The following FNIP1 variants were observed in gnomAD, a reference collection of about 807,000 sequenced individuals.
FNIP1 encodes the protein folliculin-interacting protein 1.
In FNIP1, 40 loss-of-function variants were observed where a neutral mutation model predicts 124.5. That is an observed-to-expected ratio of 0.32 (90% CI 0.25 to 0.42). FNIP1 has a LOEUF of 0.42. Among genes scored for constraint, FNIP1 ranks in the 10% least tolerant of loss-of-function variants. The pLI, the probability that FNIP1 is intolerant of heterozygous loss-of-function variation, is 1.00. For missense variants in FNIP1, 1,176 were observed against 1,403.7 expected (o/e 0.84, Z 2.59); for synonymous variants, 472 against 470.6 (o/e 1.00, Z -0.04).
intron 16 of FNIP1, among the ~76,000 whole-genome samples, chr5:131,648,173 TAAAAAAAA>T (rs577945348): frequency 8.8e-6 from 1 of 113,358 alleles, no homozygotes. Context: ...CTACAAAAAT[TAAAAAAAA>T]AAAAAAAAAA....
intron 15 of FNIP1, 124 bp from the exon 16 acceptor site, chr5:131,652,123 A>G (rs1020048625): frequency 3.2e-5 from 25 of 780,426 alleles, no homozygotes; most frequent in Non-Finnish European, 5.0e-5. Context: ...ATATTTCAAT[A>G]TCTCCTTGAC....
At chr5:131,738,064 T>C (rs1334043472) in intron 2 of FNIP1, among the ~76,000 whole-genome samples, 3 of 152,172 alleles carry the variant, frequency 2.0e-5, no homozygotes, top group Non-Finnish European at 4.4e-5. Context: ...ATAGGTTTTT[T>C]TGCTTTTCTT....
chr5:131,696,040 A>G (rs541356328), intron 11 of FNIP1, among the ~76,000 whole-genome samples: 22 of 152,340 alleles, frequency 1.4e-4, no homozygotes, highest in Non-Finnish European at 2.6e-4. Flanking sequence ...GAAGATACCT[A>G]AACATTTATA....
chr5:131,787,352 A>G (rs1373089559), intron 1 of FNIP1, among the ~76,000 whole-genome samples: 3 of 152,186 alleles, frequency 2.0e-5, no homozygotes, highest in Non-Finnish European at 4.4e-5. Context: ...GGACTCAGCA[A>G]TTAAGTGTGA....
intron 14 of FNIP1, 56 bp from the exon 15 acceptor site, chr5:131,670,687 GTAA>G: frequency 8.6e-7 from 1 of 1,164,646 alleles, no homozygotes; most frequent in East Asian, 3.0e-5. Flanking sequence ...TATTTAACCA[GTAA>G]AAAAAAAAAA....
At chr5:131,774,115 C>T (rs952727037) in intron 1 of FNIP1, among the ~76,000 whole-genome samples, 1 of 152,220 alleles carries the variant, frequency 6.6e-6, no homozygotes, top group African/African-American at 2.4e-5. Flanking sequence ...CAACTTTGAA[C>T]TCCTGGGCTC....
chr5:131,663,672 G>A (rs1767512199), intron 15 of FNIP1, among the ~76,000 whole-genome samples: 1 of 152,210 alleles, frequency 6.6e-6, no homozygotes, highest in South Asian at 2.1e-4. Flanking sequence ...CTGTTCTACA[G>A]CCAATAGATT....
At chr5:131,657,828 C>G (rs1767253199) in intron 15 of FNIP1, among the ~76,000 whole-genome samples, 1 of 146,558 alleles carries the variant, frequency 6.8e-6, no homozygotes, top group African/African-American at 2.5e-5. Context: ...ATCACAAGGT[C>G]AGGAGATTGA....
intron 15 of FNIP1, among the ~76,000 whole-genome samples, chr5:131,669,481 G>A: frequency 6.6e-6 from 1 of 152,098 alleles, no homozygotes; most frequent in Non-Finnish European, 1.5e-5. Flanking sequence ...TACCATGACA[G>A]AGTGGGAATT....
rs752572646 is a variant in FNIP1 at position 131,762,386 on chromosome 5, C to T, written c.93-17696G>A. The stretch of plus-strand genomic sequence containing the variant: ...TAACAACCAGAATGTATAAGGAGCT[C>T]GAACAACTATATAGGAAAAAAATCA... On this transcript the variant is annotated intron_variant, in intron 1 of 17. Transcript: ENST00000510461. 1.1e-4 allele frequency among the ~76,000 whole-genome samples: 16 copies of T among 151,974 alleles called. 1 individual carries two copies. Among genetic ancestry groups the T allele is most frequent in the Non-Finnish European group, 2.2e-4 (15 of 67,976 alleles).
intron 15 of FNIP1, among the ~76,000 whole-genome samples, chr5:131,660,124 G>A (rs1299875726): frequency 6.6e-6 from 1 of 152,056 alleles, no homozygotes; most frequent in African/African-American, 2.4e-5. Context: ...ATGGTGAACT[G>A]GTGGCAGGTG....
intron 15 of FNIP1, among the ~76,000 whole-genome samples, chr5:131,668,857 G>T (rs966175396): frequency 6.6e-6 from 1 of 152,146 alleles, no homozygotes. Context: ...TAAAAAGCAG[G>T]ACAATTTGGC....
chr5:131,764,369 A>T (rs1450739124), intron 1 of FNIP1, among the ~76,000 whole-genome samples: 2 of 148,186 alleles, frequency 1.3e-5, no homozygotes, highest in Non-Finnish European at 3.0e-5. Context: ...GTACAGTGAC[A>T]TGTTCATGGC....
chr5:131,658,040 C>CA (rs543062745), intron 15 of FNIP1, among the ~76,000 whole-genome samples: 5,129 of 56,816 alleles, frequency 0.09, 331 homozygotes, highest in African/African-American at 0.22. Flanking sequence ...GACTCCATCT[C>CA]AAAAAAAAAA....
At chr5:131,686,185 T>A (rs1392927985) in intron 11 of FNIP1, among the ~76,000 whole-genome samples, 1 of 152,210 alleles carries the variant, frequency 6.6e-6, no homozygotes, top group Non-Finnish European at 1.5e-5. Flanking sequence ...CTCTGAAGAA[T>A]CAGAAATTGC....
chr5:131,650,997 G>T (rs765309376), intron 16 of FNIP1, among the ~76,000 whole-genome samples: 2 of 152,082 alleles, frequency 1.3e-5, no homozygotes, highest in Admixed American at 6.6e-5. Context: ...AAAAATTCTG[G>T]CTGCTGAAAT....
rs1766738246 is a variant in FNIP1 at position 131,642,258 on chromosome 5, A to G, written c.*2427T>C. ...GCAGCTCATTCCTTGGGCTTTGCGT[A>G]AGGAAAGAATGACTATGGTGAAGGT... On this transcript the variant is annotated 3_prime_UTR_variant, in exon 18 of 18. Transcript: ENST00000510461. The G allele has an allele frequency of 6.5e-6, 1 of 152,738 alleles. No homozygotes were observed. The highest frequency in any genetic ancestry group is 1.5e-5 in the Non-Finnish European group (1 of 68,032). 9.5% of individuals were successfully genotyped at this position (152,738 alleles called of 1,614,324 possible). A position where few individuals can be genotyped will look rare whatever the true frequency, so the allele number is the denominator to read the frequency against.
chr5:131,672,152 A>G lies in FNIP1; in HGVS notation c.2292T>C (p.Asp764=). 1 of 1,614,212 alleles carries G rather than the reference A, an allele frequency of 6.2e-7. No homozygotes were observed. The part of the protein sequence containing the change: ...LIGDSMSPDS[D]TELRSQAVVD... ...CCACTGCCTGACTTCGAAGCTCAGT[A>G]TCTGAATCAGGTGACATAGAATCCC... Residue 764 remains aspartate (D), a synonymous_variant, in exon 14 of 18, where the codon GAT becomes GAC. Coordinates refer to ENST00000510461, the MANE Select transcript of FNIP1 (RefSeq NM_133372.3).
At chr5:131,691,121 T>C (rs973845446) in intron 11 of FNIP1, among the ~76,000 whole-genome samples, 2 of 152,138 alleles carry the variant, frequency 1.3e-5, no homozygotes, top group African/African-American at 4.8e-5. Flanking sequence ...AAGACACACC[T>C]TAGCAAATTT....
Sources: gnomAD v4.1 joint callset for allele counts (sites outside exome capture counted in the v4.1 genomes callset) on GRCh38, gnomAD v4.1.1 for gene constraint, MANE v1.5 for transcripts, NCBI Gene and HGNC (gene_info 2026-07-23, HGNC 2026-07-21) for gene names.